RELCH: variants seen among roughly 807,000 people sequenced by gnomAD.
The protein encoded by RELCH is RAB11-binding protein RELCH.
Under a neutral mutation model 150.3 loss-of-function variants are expected in RELCH, and 41 were observed. The ratio of observed to expected loss-of-function variants is 0.27; its 90% CI spans 0.21 to 0.35. The LOEUF is 0.35. RELCH is among the 10% of genes least tolerant of loss of function. The pLI is 1.00. For missense variants in RELCH, 1,092 were observed against 1,467.8 expected (o/e 0.74, Z 4.18); for synonymous variants, 478 against 531.8 (o/e 0.90, Z 1.39).
chr18:62,187,572 GA>G lies in RELCH; in HGVS notation c.68del (p.Asp23ValfsTer7). 1 of 1,523,284 alleles carries G rather than the reference GA, an allele frequency of 6.6e-7. No homozygotes were observed. 94.4% of individuals were successfully genotyped at this position (1,523,284 alleles called of 1,614,324 possible). A position where few individuals can be genotyped will look rare whatever the true frequency, so the allele number is the denominator to read the frequency against. On this transcript the variant is annotated frameshift_variant, in exon 1 of 29. Transcript: ENST00000644646. LOFTEE classifies it high-confidence loss of function. ...CGTGAATCCATTTCTCAGTGATTCG[GA>G]TGAGGACGATGACGAGGTAGCTGCA... ...GGVNPFLSDS[D>X]EDDDEVAATE...
intron 16 of RELCH, among the ~76,000 whole-genome samples, chr18:62,262,670 G>C (rs1228461974): frequency 1.3e-5 from 2 of 151,950 alleles, no homozygotes; most frequent in African/African-American, 2.4e-5. Flanking sequence ...CTCCCAGCTG[G>C]CCACTTCAGG....
intron 8 of RELCH, 142 bp from the exon 9 acceptor site, chr18:62,231,052 T>TCA: frequency 1.7e-6 from 1 of 584,470 alleles, no homozygotes; most frequent in East Asian, 3.1e-5. Flanking sequence ...GTTCTTCAAG[T>TCA]CACTGGTGGC....
Position 62,228,587 on chromosome 18 carries a change from T to G in RELCH, c.1437T>G (p.Asp479Glu), listed in dbSNP as rs1390940806. The change falls in exon 8 of 29, where the codon GAT becomes GAG. Residue 479 changes from aspartate to glutamate, a missense_variant. Physicochemically the swap from Asp to Glu is conservative, Grantham distance 45. Transcript: ENST00000644646. ...CAAGTAAAAAGACAGTTCATTTTGA[T>G]AAACCTAATAGGTTAGTATGCATCC... ...SLSSKKTVHF[D>E]KPNRKLSPAF... is the part of the protein sequence containing the mutation. 2.5e-6 allele frequency: 4 copies of G among 1,608,216 alleles called. No homozygotes were observed. The Admixed American group carries it at 6.7e-5, about 27-fold the overall frequency.
rs2038223425 is a variant in RELCH at position 62,187,741 on chromosome 18, C to A, written c.236C>A (p.Ala79Glu). The change falls in exon 1 of 29, where the codon GCA becomes GAA. Residue 79 changes from alanine to glutamate, a missense_variant. By Grantham distance (107) the Ala-to-Glu change is moderately radical (BLOSUM62 -1). Transcript: ENST00000644646. ...PGLPGEASAA[A>E]VALGGTGETP... ...CTCCCTGGGGAGGCGTCGGCGGCTG[C>A]AGTGGCCCTGGGGGGCACCGGGGAG... 1 of 1,610,016 alleles carries A rather than the reference C, an allele frequency of 6.2e-7. No individual in the cohort carries two copies. Among genetic ancestry groups the A allele is most frequent in the African/African-American group, 1.3e-5 (1 of 74,854 alleles).
chr18:62,207,147 TCCCC>T (rs917126583), intron 1 of RELCH, among the ~76,000 whole-genome samples: 39 of 152,218 alleles, frequency 2.6e-4, no homozygotes, highest in African/African-American at 7.7e-4. Flanking sequence ...CACTCCATTT[TCCCC>T]CTCAACCCCC....
At chr18:62,233,998 TA>T (rs947812058) in intron 10 of RELCH, among the ~76,000 whole-genome samples, 4 of 151,898 alleles carry the variant, frequency 2.6e-5, no homozygotes, top group African/African-American at 4.8e-5. Flanking sequence ...TTTTTATAAT[TA>T]AAAAATATAT....
At chr18:62,251,713 A>T (rs555681184) in intron 11 of RELCH, among the ~76,000 whole-genome samples, 1 of 152,342 alleles carries the variant, frequency 6.6e-6, no homozygotes, top group Admixed American at 6.5e-5. Flanking sequence ...TTAATATGAT[A>T]CTGTAGTTTT....
At position 62,305,372 on chromosome 18, in the gene RELCH, T is replaced by G. The variant is rs767155469; in HGVS notation, c.3531-42T>G. 138 of 1,555,126 alleles carry G rather than the reference T, an allele frequency of 8.9e-5. No individual in the cohort carries two copies. The highest frequency in any genetic ancestry group is 1.1e-4 in the Non-Finnish European group (131 of 1,153,626). On this transcript the variant is annotated intron_variant, in intron 28 of 28. Coordinates refer to ENST00000644646, the MANE Select transcript of RELCH (RefSeq NM_001346231.2). The surrounding 1 kb of genome is among the most constrained non-coding windows in gnomAD (Gnocchi z 4.0). ...TACTAAATAAATGAAAAATTTTTAT[T>G]TTTTTAATTGCTTTACATGAATTTT...
At chr18:62,203,887 G>A (rs1171682435) in intron 1 of RELCH, among the ~76,000 whole-genome samples, 1 of 152,090 alleles carries the variant, frequency 6.6e-6, no homozygotes, top group African/African-American at 2.4e-5. Context: ...GCTGAGGCGG[G>A]AAGATCACAT....
intron 28 of RELCH, among the ~76,000 whole-genome samples, chr18:62,301,262 G>T (rs1216340141): frequency 6.6e-6 from 1 of 152,194 alleles, no homozygotes; most frequent in East Asian, 1.9e-4. Flanking sequence ...AGTATATAAA[G>T]GTAGGCAGGC....
chr18:62,261,790 G>T, intron 16 of RELCH, 132 bp downstream of exon 16: 1 of 680,748 alleles, frequency 1.5e-6, no homozygotes, highest in Non-Finnish European at 2.4e-6. Flanking sequence ...TATGTGTGTA[G>T]AATCTCATGG....
intron 8 of RELCH, among the ~76,000 whole-genome samples, chr18:62,229,485 GGTGTGTGTGTGTGTGTGT>G (rs58842870): frequency 7.0e-6 from 1 of 143,322 alleles, no homozygotes; most frequent in Non-Finnish European, 1.5e-5. Context: ...GTATAGTAGG[GGTGTGTGTGTGTGTGTGT>G]GTGTGTGTGT....
intron 28 of RELCH, among the ~76,000 whole-genome samples, chr18:62,304,815 A>G (rs566145769): frequency 6.6e-5 from 10 of 152,220 alleles, no homozygotes; most frequent in Non-Finnish European, 1.3e-4. Flanking sequence ...ATGGACTCGA[A>G]ACTGTTGATT....
chr18:62,207,337 C>G (rs544390870), intron 1 of RELCH, among the ~76,000 whole-genome samples: 30 of 152,258 alleles, frequency 2.0e-4, no homozygotes, highest in African/African-American at 7.0e-4. Context: ...TAGTTCCATC[C>G]TTTTTATTGC....
At chr18:62,276,739 T>A (rs1055701553) in intron 22 of RELCH, among the ~76,000 whole-genome samples, 8 of 152,102 alleles carry the variant, frequency 5.3e-5, no homozygotes, top group African/African-American at 1.9e-4. Context: ...TCCATTGTTA[T>A]CAGGAAGTTG....
chr18:62,270,922 G>A (rs1311796324), intron 20 of RELCH, among the ~76,000 whole-genome samples: 3 of 151,782 alleles, frequency 2.0e-5, no homozygotes, highest in African/African-American at 4.8e-5. Context: ...GTGATAGTTT[G>A]CTCAGAATGA....
chr18:62,269,224 A>G (rs1280919553), intron 20 of RELCH, among the ~76,000 whole-genome samples: 2 of 152,134 alleles, frequency 1.3e-5, no homozygotes, highest in East Asian at 3.8e-4. Context: ...GTGTTCCATG[A>G]TAAGTTTTTC....
intron 1 of RELCH, among the ~76,000 whole-genome samples, chr18:62,206,806 C>G (rs1030559784): frequency 6.7e-6 from 1 of 148,708 alleles, no homozygotes; most frequent in Non-Finnish European, 1.5e-5. Flanking sequence ...CCACCACCCC[C>G]TCTCCCCGCC....
intron 14 of RELCH, 38 bp from the exon 15 acceptor site, chr18:62,258,474 C>T (rs1473952137): frequency 1.1e-5 from 16 of 1,523,782 alleles, no homozygotes; most frequent in East Asian, 2.3e-5. Context: ...TAAGTTTATC[C>T]CTTTAAAAAT....
Sources: gnomAD v4.1 joint callset for allele counts (sites outside exome capture counted in the v4.1 genomes callset) on GRCh38, gnomAD v4.1.1 for gene constraint, Gnocchi (gnomAD v3.1) non-coding constraint, MANE v1.5 for transcripts, NCBI Gene and HGNC (gene_info 2026-07-23, HGNC 2026-07-21) for gene names.